The following AFG1L variants were observed in gnomAD, a reference collection of about 807,000 sequenced individuals.
AFG1L encodes the protein AFG1-like ATPase.
In AFG1L, 53 loss-of-function variants were observed where a neutral mutation model predicts 62.2. The observed-to-expected ratio is 0.85, with a 90% CI of 0.68 to 1.07. AFG1L has a LOEUF of 1.07. AFG1L is among the 50% of genes least tolerant of loss of function. The pLI is 0.00. For missense variants in AFG1L, 555 were observed against 590.5 expected (o/e 0.94, Z 0.62); for synonymous variants, 228 against 210.3 (o/e 1.08, Z -0.73).
chr6:108,338,660 G>T (rs1778560330), intron 2 of AFG1L, among the ~76,000 whole-genome samples: 1 of 152,116 alleles, frequency 6.6e-6, no homozygotes, highest in Non-Finnish European at 1.5e-5. Flanking sequence ...CTTTGGTCCT[G>T]TAATTCAGTG....
chr6:108,460,781 C>G (rs1285492324), intron 8 of AFG1L, among the ~76,000 whole-genome samples: 3 of 152,082 alleles, frequency 2.0e-5, no homozygotes, highest in Non-Finnish European at 4.4e-5. Context: ...CACGGTGAAA[C>G]CCTGTCTCTA....
chr6:108,390,202 A>G (rs144245361), intron 6 of AFG1L, among the ~76,000 whole-genome samples: 1 of 152,182 alleles, frequency 6.6e-6, no homozygotes, highest in African/African-American at 2.4e-5. Context: ...TTCTCATGCC[A>G]TGATTTTCGG....
intron 1 of AFG1L, among the ~76,000 whole-genome samples, chr6:108,311,752 C>T (rs529492895): frequency 4.3e-4 from 66 of 152,242 alleles, no homozygotes; most frequent in African/African-American, 1.4e-3. Flanking sequence ...ACACTATAGA[C>T]GCTTTATCAT....
intron 10 of AFG1L, among the ~76,000 whole-genome samples, chr6:108,497,859 G>A (rs1283105808): frequency 6.6e-6 from 1 of 152,128 alleles, no homozygotes; most frequent in Non-Finnish European, 1.5e-5. Context: ...GTTTTCGTTA[G>A]CTCTTGCTGC....
At chr6:108,446,662 G>A (rs1367302825) in intron 7 of AFG1L, among the ~76,000 whole-genome samples, 3 of 151,858 alleles carry the variant, frequency 2.0e-5, no homozygotes, top group African/African-American at 4.8e-5. Flanking sequence ...GTGCCACCAC[G>A]CCCAGCTAAT....
At chr6:108,364,235 G>A (rs777031861) in intron 5 of AFG1L, among the ~76,000 whole-genome samples, 1 of 152,192 alleles carries the variant, frequency 6.6e-6, no homozygotes, top group Non-Finnish European at 1.5e-5. Context: ...GGCCGAACAA[G>A]TGCGGGGACA....
At chr6:108,297,523 T>A (rs1776811483) in intron 1 of AFG1L, among the ~76,000 whole-genome samples, 1 of 152,124 alleles carries the variant, frequency 6.6e-6, no homozygotes, top group Non-Finnish European at 1.5e-5. Flanking sequence ...ATTTCTATTT[T>A]ACCTTCATTT....
At chr6:108,513,310 C>T (rs892718911) in intron 11 of AFG1L, among the ~76,000 whole-genome samples, 5 of 152,172 alleles carry the variant, frequency 3.3e-5, no homozygotes, top group African/African-American at 7.2e-5. Context: ...TGAAGCAGGG[C>T]GAGGCATCGC....
At chr6:108,475,374 T>A (rs1405308600) in intron 8 of AFG1L, among the ~76,000 whole-genome samples, 1 of 152,192 alleles carries the variant, frequency 6.6e-6, no homozygotes, top group African/African-American at 2.4e-5. Context: ...CTATATGGGC[T>A]CAAAAGTAGC....
At chr6:108,334,515 G>A (rs1208337251) in intron 2 of AFG1L, among the ~76,000 whole-genome samples, 1 of 149,194 alleles carries the variant, frequency 6.7e-6, no homozygotes, top group Non-Finnish European at 1.5e-5. Context: ...ATCATGGCAA[G>A]ACTTCATCTC....
At chr6:108,440,820 C>CAAAAAAAGAAAA (rs773156663) in intron 7 of AFG1L, among the ~76,000 whole-genome samples, 1 of 147,614 alleles carries the variant, frequency 6.8e-6, no homozygotes, top group Non-Finnish European at 1.5e-5. Context: ...GACTCCATCT[C>CAAAAAAAGAAAA]AAAAAAAGAA....
chr6:108,476,831 T>C (rs1773122679), intron 8 of AFG1L, 34 bp from the exon 9 acceptor site: 4 of 1,532,926 alleles, frequency 2.6e-6, no homozygotes, highest in East Asian at 2.2e-5. Flanking sequence ...TCAAGTGTTA[T>C]TAATTTCATA....
intron 1 of AFG1L, among the ~76,000 whole-genome samples, chr6:108,311,094 T>G (rs925315918): frequency 6.6e-6 from 1 of 152,148 alleles, no homozygotes; most frequent in South Asian, 2.1e-4. Context: ...CCTTTAAGGG[T>G]TAAATTCAAA....
intron 7 of AFG1L, among the ~76,000 whole-genome samples, chr6:108,412,069 A>T (rs1260562447): frequency 6.6e-6 from 1 of 152,216 alleles, no homozygotes; most frequent in Non-Finnish European, 1.5e-5. Context: ...GAAGTCCTTA[A>T]ATGACCTGAT....
chr6:108,421,178 T>C (rs554553036), intron 7 of AFG1L, among the ~76,000 whole-genome samples: 1 of 152,234 alleles, frequency 6.6e-6, no homozygotes, highest in South Asian at 2.1e-4. Flanking sequence ...AGAGAGGGTG[T>C]TACTATGATT....
chr6:108,394,892 C>G (rs1781222854), intron 6 of AFG1L, among the ~76,000 whole-genome samples: 1 of 152,164 alleles, frequency 6.6e-6, no homozygotes, highest in South Asian at 2.1e-4. Flanking sequence ...TCTTAACATA[C>G]ACCAATGTTT....
Position 108,356,687 on chromosome 6 carries a change from A to G in AFG1L, c.518-3A>G. 1 of 1,593,780 alleles carries G rather than the reference A, an allele frequency of 6.3e-7. No homozygotes were observed. The highest frequency in any genetic ancestry group is 1.2e-5 in the South Asian group (1 of 86,754). ...CATCTGTGTTTAATTTCATGCATTT[A>G]AGGAATACATCGCCTTAAACAGAGT... On this transcript the variant is annotated splice_polypyrimidine_tract_variant and splice_region_variant and intron_variant, in intron 4 of 12. Coordinates refer to ENST00000368977, the MANE Select transcript of AFG1L (RefSeq NM_145315.5).
chr6:108,455,559 C>T (rs943704782), intron 8 of AFG1L, among the ~76,000 whole-genome samples: 3 of 152,070 alleles, frequency 2.0e-5, no homozygotes, highest in African/African-American at 7.2e-5. Flanking sequence ...TCTTCCTTTT[C>T]TAGTTTTTTA....
Position 108,357,230 on chromosome 6 carries a change from A to G in AFG1L, c.648+410A>G, listed in dbSNP as rs190240729. On this transcript the variant is annotated intron_variant, in intron 5 of 12. Coordinates refer to ENST00000368977, the MANE Select transcript of AFG1L (RefSeq NM_145315.5). Reference sequence around the variant, plus strand: ...AGTAGCTGGAACTATAGGCTCATGCACCATACCTAGCAAATTTTTAAAAAC... The same window carrying G: ...AGTAGCTGGAACTATAGGCTCATGCGCCATACCTAGCAAATTTTTAAAAAC... 5.7e-4 allele frequency among the ~76,000 whole-genome samples: 87 copies of G among 152,258 alleles called. 1 individual carries two copies. The South Asian group carries it at 7.9e-3, about 14-fold the overall frequency.
Sources: gnomAD v4.1 joint callset for allele counts (sites outside exome capture counted in the v4.1 genomes callset) on GRCh38, gnomAD v4.1.1 for gene constraint, MANE v1.5 for transcripts, NCBI Gene and HGNC (gene_info 2026-07-23, HGNC 2026-07-21) for gene names.